Variants in DPP10 observed in about 807,000 individuals in gnomAD.
DPP10 encodes the protein dipeptidyl peptidase like 10, also known as inactive dipeptidyl peptidase 10.
Under a neutral mutation model 120.9 loss-of-function variants are expected in DPP10, and 33 were observed. The observed-to-expected ratio is 0.27, with a 90% CI of 0.21 to 0.37. The LOEUF is 0.37. Among genes scored for constraint, DPP10 ranks in the 10% least tolerant of loss-of-function variants. The probability of loss-of-function intolerance (pLI) is 1.00; values close to 1 mark genes in which losing one functional copy is unlikely to be tolerated. For missense variants in DPP10, 816 were observed against 942.8 expected (o/e 0.87, Z 1.76); for synonymous variants, 337 against 326.1 (o/e 1.03, Z -0.36).
intron 2 of DPP10, among the ~76,000 whole-genome samples, chr2:115,312,051 C>T (rs866181232): frequency 2.0e-5 from 3 of 152,090 alleles, no homozygotes; most frequent in Non-Finnish European, 2.9e-5. Context: ...CCACCACACC[C>T]AGCCCACAAT....
chr2:115,244,196 C>CTA (rs1387174433), intron 1 of DPP10, among the ~76,000 whole-genome samples: 2,203 of 121,440 alleles, frequency 0.018, 53 homozygotes, highest in African/African-American at 0.063. Flanking sequence ...GTCTCAGTGT[C>CTA]TATATATATA....
At chr2:115,677,669 CAA>C (rs2090365549) in intron 5 of DPP10, among the ~76,000 whole-genome samples, 2 of 152,040 alleles carry the variant, frequency 1.3e-5, no homozygotes, top group Admixed American at 6.6e-5. Context: ...AAAAAAGAAA[CAA>C]AGAAGGTTAT....
intron 1 of DPP10, among the ~76,000 whole-genome samples, chr2:114,562,447 C>T (rs557704432): frequency 3.9e-5 from 6 of 152,276 alleles, no homozygotes; most frequent in South Asian, 2.1e-4. Context: ...CAGCTAATGA[C>T]GTCTCAATAG....
intron 1 of DPP10, among the ~76,000 whole-genome samples, chr2:114,852,766 A>G (rs1689062212): frequency 6.6e-6 from 1 of 152,124 alleles, no homozygotes; most frequent in Admixed American, 6.6e-5. Flanking sequence ...CTGCATTTCA[A>G]TTATGTATTC....
At chr2:114,909,799 G>T (rs562237288) in intron 1 of DPP10, among the ~76,000 whole-genome samples, 77 of 151,972 alleles carry the variant, frequency 5.1e-4, no homozygotes, top group Non-Finnish European at 9.0e-4. Flanking sequence ...TTCTTTATAG[G>T]AAGCACTTTC....
intron 1 of DPP10, among the ~76,000 whole-genome samples, chr2:114,758,943 A>G (rs1006787966): frequency 6.6e-6 from 1 of 152,254 alleles, no homozygotes; most frequent in Non-Finnish European, 1.5e-5. Context: ...ATGGATGTTC[A>G]GATAACCTGT....
rs1681046529 is a variant in DPP10, at chr2:115,768,327, A to C, written c.1144A>C (p.Ser382Arg). 1 of 1,613,580 alleles carries C rather than the reference A, an allele frequency of 6.2e-7. No individual in the cohort carries two copies. The highest frequency in any genetic ancestry group is 1.1e-5 in the South Asian group (1 of 91,072). Residue 382 changes from serine (S) to arginine (R), a missense_variant, in exon 13 of 26, where the codon AGC (serine) becomes CGC (arginine). By Grantham distance (110) the Ser-to-Arg change is moderately radical. This residue lies in a region of DPP10 where 592 missense variants were observed against 649.0 expected (regional missense o/e 0.91). Transcript: ENST00000410059. The part of the protein sequence containing the change: ...NEEPVFSRDG[S>R]KFFMTVPVKQ... Reference sequence around the variant, plus strand: ...GGAGCCCGTGTTTTCTAGAGACGGCAGCAAATTCTTTATGACAGTGCCTGT... The same window carrying C: ...GGAGCCCGTGTTTTCTAGAGACGGCCGCAAATTCTTTATGACAGTGCCTGT...
chr2:114,664,263 A>G (rs1164077011), intron 1 of DPP10, among the ~76,000 whole-genome samples: 1 of 151,868 alleles, frequency 6.6e-6, no homozygotes, highest in Admixed American at 6.6e-5. Flanking sequence ...AACAAGAAGC[A>G]TGTGGATAAA....
chr2:115,098,241 G>A (rs2048497597), intron 1 of DPP10, among the ~76,000 whole-genome samples: 2 of 152,218 alleles, frequency 1.3e-5, no homozygotes, highest in South Asian at 2.1e-4. Context: ...AGAAGTTGGG[G>A]GAGTAACAGC....
intron 1 of DPP10, among the ~76,000 whole-genome samples, chr2:114,932,616 T>A (rs926892853): frequency 6.6e-6 from 1 of 152,196 alleles, no homozygotes; most frequent in African/African-American, 2.4e-5. Flanking sequence ...CTAATCTATT[T>A]TAATAGAAAT....
intron 1 of DPP10, among the ~76,000 whole-genome samples, chr2:114,800,744 C>A (rs1337491591): frequency 6.6e-6 from 1 of 152,114 alleles, no homozygotes; most frequent in Non-Finnish European, 1.5e-5. Context: ...GAAAAAGTAA[C>A]TTTAGGCTCA....
chr2:115,418,578 C>G (rs1272450002), intron 3 of DPP10, among the ~76,000 whole-genome samples: 2 of 151,704 alleles, frequency 1.3e-5, no homozygotes, highest in Non-Finnish European at 1.5e-5. Context: ...CAGGGCCAGT[C>G]TAGGCAACAC....
At chr2:115,508,370 A>G (rs533874184) in intron 4 of DPP10, among the ~76,000 whole-genome samples, 1 of 151,790 alleles carries the variant, frequency 6.6e-6, no homozygotes, top group Non-Finnish European at 1.5e-5. Flanking sequence ...AGCTCCTGCC[A>G]TAAGGAAAAC....
At chr2:114,713,280 AC>A (rs1251275709) in intron 1 of DPP10, among the ~76,000 whole-genome samples, 1 of 151,966 alleles carries the variant, frequency 6.6e-6, no homozygotes, top group Non-Finnish European at 1.5e-5. Flanking sequence ...GAGCCACCGT[AC>A]CCCGCCTAAT....
intron 3 of DPP10, among the ~76,000 whole-genome samples, chr2:115,350,140 C>CT (rs1428500948): frequency 6.6e-6 from 1 of 151,860 alleles, no homozygotes; most frequent in Non-Finnish European, 1.5e-5. Flanking sequence ...CAATTTGCAT[C>CT]TTTTTAATGG....
At chr2:115,735,684 AT>A (rs70941095) in intron 8 of DPP10, among the ~76,000 whole-genome samples, 17,406 of 62,080 alleles carry the variant, frequency 0.28, 2,071 homozygotes, top group African/African-American at 0.38. Context: ...CGCCCAGCTA[AT>A]TTTTTTTTTT....
intron 1 of DPP10, among the ~76,000 whole-genome samples, chr2:114,528,344 C>A (rs973283467): frequency 8.5e-5 from 13 of 152,122 alleles, no homozygotes; most frequent in Admixed American, 8.5e-4. Flanking sequence ...TATGCATAGG[C>A]ACAGTGCCTT....
chr2:115,778,349 A>G (rs1682371732), intron 15 of DPP10, among the ~76,000 whole-genome samples: 1 of 152,094 alleles, frequency 6.6e-6, no homozygotes, highest in African/African-American at 2.4e-5. Context: ...TAAATAAGGA[A>G]CGCTCATTGC....
At chr2:115,026,695 C>T (rs1703485436) in intron 1 of DPP10, among the ~76,000 whole-genome samples, 8 of 152,032 alleles carry the variant, frequency 5.3e-5, no homozygotes, top group Admixed American at 4.6e-4. Flanking sequence ...CACCACCATG[C>T]CTGGCTAATT....
Sources: allele counts gnomAD v4.1 joint callset (sites outside exome capture counted in the v4.1 genomes callset), GRCh38; gene constraint gnomAD v4.1.1; regional missense constraint gnomAD v4.1.1; transcripts MANE v1.5; gene names NCBI Gene and HGNC (gene_info 2026-07-23, HGNC 2026-07-21).